The following COA5 variants were observed in gnomAD, a reference collection of about 807,000 sequenced individuals.
COA5 encodes the protein protein C2orf64.
COA5 carries 11 observed loss-of-function variants against 11.8 expected under a neutral mutation model. The ratio of observed to expected loss-of-function variants is 0.93; its 90% confidence interval spans 0.59 to 1.54. COA5 has a LOEUF of 1.54. Ranked by LOEUF, COA5 falls within the 40% of genes most tolerant of loss-of-function variation. The probability of loss-of-function intolerance (pLI) is 0.00; values close to 1 mark genes in which losing one functional copy is unlikely to be tolerated. For missense variants in COA5, 87 were observed against 89.2 expected, an observed-to-expected ratio of 0.97 and a Z score of 0.10; for synonymous variants, 38 against 37.5, an observed-to-expected ratio of 1.01 and a Z score of -0.05.
Position 98,601,348 on chromosome 2 carries a change from ATTC to A in COA5, c.184-558_184-556del, listed in dbSNP as rs201479759. Among the ~76,000 whole-genome samples the A allele has an allele frequency of 3.5e-3, 526 of 152,318 alleles. 8 individuals are homozygous for A. Among genetic ancestry groups the A allele is most frequent in the African/African-American group, 0.011 (475 of 41,568 alleles). On this transcript the variant is annotated intron_variant, in intron 2 of 2. Transcript: ENST00000328709. ...TTTATTTGGACTATACTCAATATACATTCTTCTTCTAAAAAACTTAACTTTCTA... is the reference window on the plus strand; with the variant it reads ...TTTATTTGGACTATACTCAATATACATTCTTCTAAAAAACTTAACTTTCTA...
intron 2 of COA5, chr2:98,602,773 A>C (rs1278792981): frequency 1.9e-5 from 3 of 154,424 alleles, no homozygotes; most frequent in Middle Eastern, 1.2e-3. Flanking sequence ...GATTGTTAAA[A>C]ATTTCTGCTG....
intron 2 of COA5, among the ~76,000 whole-genome samples, chr2:98,603,658 G>A (rs1019055463): frequency 2.0e-5 from 3 of 152,064 alleles, no homozygotes; most frequent in African/African-American, 7.3e-5. Context: ...CCAGAGATTT[G>A]TAATCTCTTT....
chr2:98,600,834 T>C, intron 2 of COA5, 41 bp from the exon 3 acceptor site: 2 of 1,332,352 alleles, frequency 1.5e-6, no homozygotes, highest in Non-Finnish European at 2.1e-6. Context: ...TGGTACAATG[T>C]AATTAATTAA....
At chr2:98,608,192 C>T (rs886846789) in intron 1 of COA5, 115 bp downstream of exon 1, 3 of 753,662 alleles carry the variant, frequency 4.0e-6, no homozygotes, top group Admixed American at 4.1e-5. Flanking sequence ...CGAGCTGTGA[C>T]CTACGCCCGG....
intron 2 of COA5, among the ~76,000 whole-genome samples, chr2:98,602,975 A>C (rs1024015010): frequency 6.6e-6 from 1 of 152,208 alleles, no homozygotes; most frequent in Non-Finnish European, 1.5e-5. Flanking sequence ...CTCTATTCAC[A>C]CTGAATGACA....
At position 98,608,428 on chromosome 2, in the gene COA5, G is replaced by T. The variant is rs370052087; in HGVS notation, c.-23C>A. On this transcript the variant is annotated 5_prime_UTR_variant, in exon 1 of 3. Coordinates refer to ENST00000328709, the MANE Select transcript of COA5 (RefSeq NM_001008215.3). ...CATGACGGCGCTTCCCCTCCGATGC[G>T]GACGCGACTTTCTCCCACCGCAACA... 6.5e-7 allele frequency: 1 copy of T among 1,549,700 alleles called. No homozygotes were observed. Among genetic ancestry groups the T allele is most frequent in the East Asian group, 2.3e-5 (1 of 42,924 alleles).
In COA5 at chr2:98,607,589, T is replaced by C. The variant is rs954179635; in HGVS notation, c.99+718A>G. Among the ~76,000 whole-genome samples, 12 of 152,190 alleles carry C rather than the reference T, an allele frequency of 7.9e-5. 1 individual carries two copies. Among genetic ancestry groups the C allele is most frequent in the South Asian group, 6.2e-4 (3 of 4,828 alleles). ...CCAATGCAAAGACAATTGCACACAA[T>C]TGAATGCCCTCTCGTCGGGCCTCTG... On this transcript the variant is annotated intron_variant, in intron 1 of 2. Transcript: ENST00000328709.
chr2:98,605,167 TAACAG>T (rs1040267767), intron 1 of COA5, among the ~76,000 whole-genome samples: 2 of 152,196 alleles, frequency 1.3e-5, no homozygotes, highest in African/African-American at 4.8e-5. Context: ...CCACCCCAAA[TAACAG>T]ACTGCTAGCT....
In COA5 at chr2:98,608,477, C is replaced by G; in HGVS notation, c.-72G>C. The G allele has an allele frequency of 8.2e-7, 1 of 1,218,990 alleles. No homozygotes were observed. Among genetic ancestry groups the G allele is most frequent in the Non-Finnish European group, 1.2e-6 (1 of 854,408 alleles). The allele number at this position is 1,218,990 out of a possible 1,614,324, so 75.5% of individuals were successfully genotyped here. On this transcript the variant is annotated 5_prime_UTR_variant, in exon 1 of 3. Coordinates refer to ENST00000328709, the MANE Select transcript of COA5 (RefSeq NM_001008215.3). ...CACTTGCAACCGGGTCGGGAGCGAG[C>G]GAGGCCCCAGTCTCAGGGGACCGGA...
chr2:98,604,543 G>C (rs900766343), intron 1 of COA5: 1 of 257,010 alleles, frequency 3.9e-6, no homozygotes, highest in Non-Finnish European at 7.6e-6. Context: ...TTTAGTGTTG[G>C]CACGAAACAC....
At chr2:98,600,871 A>G (rs1047872061) in intron 2 of COA5, 78 bp from the exon 3 acceptor site, 1 of 901,248 alleles carries the variant, frequency 1.1e-6, no homozygotes, top group African/African-American at 1.7e-5. Context: ...TAAGGGTATC[A>G]CCGCATGAGA....
At chr2:98,603,342 A>G (rs1156759390) in intron 2 of COA5, among the ~76,000 whole-genome samples, 1 of 152,094 alleles carries the variant, frequency 6.6e-6, no homozygotes, top group East Asian at 1.9e-4. Context: ...TTAGCTGGGC[A>G]CAGTGGCAGG....
intron 1 of COA5, among the ~76,000 whole-genome samples, chr2:98,606,164 G>T (rs1020664742): frequency 1.3e-5 from 2 of 152,128 alleles, no homozygotes; most frequent in Admixed American, 1.3e-4. Flanking sequence ...TTTTATTCAA[G>T]AACTTAAGAA....
At position 98,607,754 on chromosome 2, in the gene COA5, G is replaced by A. The variant is rs368143164; in HGVS notation, c.99+553C>T. ...TGTAGCCGGGGAGTGAAGGAAGAGT[G>A]TAGGGGAAGCAAGATACGAAATCGT... On this transcript the variant is annotated intron_variant, in intron 1 of 2. Coordinates refer to ENST00000328709, the MANE Select transcript of COA5 (RefSeq NM_001008215.3). 5.3e-5 allele frequency among the ~76,000 whole-genome samples: 8 copies of A among 152,308 alleles called. No individual in the cohort carries two copies. The East Asian group carries it at 9.6e-4, about 18-fold the overall frequency.
In COA5 at chr2:98,599,458, T is replaced by C. The variant is rs539401654; in HGVS notation, c.*1294A>G. 3.9e-5 allele frequency: 6 copies of C among 152,274 alleles called. No homozygotes were observed. Among genetic ancestry groups the C allele is most frequent in the African/African-American group, 1.2e-4 (5 of 41,570 alleles). 9.4% of individuals were successfully genotyped at this position (152,274 alleles called of 1,614,324 possible). A position where few individuals can be genotyped will look rare whatever the true frequency, so the allele number is the denominator to read the frequency against. On this transcript the variant is annotated 3_prime_UTR_variant, in exon 3 of 3. Coordinates refer to ENST00000328709, the MANE Select transcript of COA5 (RefSeq NM_001008215.3). ...AAAAGTTAGATCACTTATATATATA[T>C]ACATTGAAAAAAACTATTATTGTCC...
rs775774648 is a variant in COA5 at position 98,608,417 on chromosome 2, C to G, written c.-12G>C. ...TAATACTTAGGCATGACGGCGCTTC[C>G]CCTCCGATGCGGACGCGACTTTCTC... On this transcript the variant is annotated 5_prime_UTR_variant, in exon 1 of 3. Coordinates refer to ENST00000328709, the MANE Select transcript of COA5 (RefSeq NM_001008215.3). 27 of 1,578,202 alleles carry G rather than the reference C, an allele frequency of 1.7e-5. No homozygotes were observed. The highest frequency in any genetic ancestry group is 2.3e-5 in the Non-Finnish European group (27 of 1,162,402).
chr2:98,607,708 G>A (rs1292148975), intron 1 of COA5, among the ~76,000 whole-genome samples: 6 of 152,230 alleles, frequency 3.9e-5, no homozygotes, highest in African/African-American at 1.4e-4. Context: ...ATTCCAAGAG[G>A]GTGCTGAGGA....
At chr2:98,602,913 T>C (rs527839907) in intron 2 of COA5, among the ~76,000 whole-genome samples, 57 of 152,330 alleles carry the variant, frequency 3.7e-4, no homozygotes, top group Non-Finnish European at 7.5e-4. Context: ...AGTTAAAGGT[T>C]TGCATTTTAC....
chr2:98,600,855 CTTTG>C, intron 2 of COA5, 62 bp from the exon 3 acceptor site: 21 of 1,090,380 alleles, frequency 1.9e-5, no homozygotes, highest in Non-Finnish European at 2.6e-5. Flanking sequence ...ACACCCCTTA[CTTTG>C]GTAAGGGTAT....
Sources: gnomAD v4.1 joint callset for allele counts (sites outside exome capture counted in the v4.1 genomes callset) on GRCh38, gnomAD v4.1.1 for gene constraint, MANE v1.5 for transcripts, NCBI Gene and HGNC (gene_info 2026-07-23, HGNC 2026-07-21) for gene names.